The following ITPR2 variants were observed in gnomAD, a reference collection of about 807,000 sequenced individuals.
ITPR2 encodes inositol 1,4,5-trisphosphate receptor type 2, also known as inositol 1,4,5-trisphosphate-gated calcium channel ITPR2.
ITPR2 carries 207 observed loss-of-function variants against 317.1 expected under a neutral mutation model. The ratio of observed to expected loss-of-function variants is 0.65; its 90% CI spans 0.58 to 0.73. The LOEUF is 0.73. ITPR2 is among the 30% of genes least tolerant of loss of function. ITPR2 has a pLI of 0.00. For synonymous variants in ITPR2, 1,156 were observed against 1,149.1 expected, an observed-to-expected ratio of 1.01 and a Z score of -0.12; for missense variants, 2,613 against 3,284.0, an observed-to-expected ratio of 0.80 and a Z score of 4.99.
At chr12:26,588,956 T>TTGAC (rs1351060660) in intron 32 of ITPR2, among the ~76,000 whole-genome samples, 3 of 152,216 alleles carry the variant, frequency 2.0e-5, no homozygotes, top group Non-Finnish European at 4.4e-5. Flanking sequence ...GAGGCTAACA[T>TTGAC]TGACCATAGT....
intron 20 of ITPR2, among the ~76,000 whole-genome samples, chr12:26,654,744 G>A (rs1947335537): frequency 6.6e-6 from 1 of 152,134 alleles, no homozygotes; most frequent in African/African-American, 2.4e-5. Context: ...CAGGTACCAT[G>A]TCATGAGGAC....
At chr12:26,544,413 G>A (rs1413489666) in intron 37 of ITPR2, among the ~76,000 whole-genome samples, 1 of 152,074 alleles carries the variant, frequency 6.6e-6, no homozygotes, top group Non-Finnish European at 1.5e-5. Flanking sequence ...TATCCTTAAT[G>A]TAATTCCTTA....
intron 32 of ITPR2, among the ~76,000 whole-genome samples, chr12:26,589,853 T>TATATATATACAC (rs780511857): frequency 1.7e-5 from 1 of 57,304 alleles, no homozygotes; most frequent in African/African-American, 5.7e-5. Flanking sequence ...TATATATATA[T>TATATATATACAC]ACACACACAC....
At chr12:26,734,466 C>T (rs1160054933) in intron 2 of ITPR2, among the ~76,000 whole-genome samples, 1 of 152,176 alleles carries the variant, frequency 6.6e-6, no homozygotes, top group Non-Finnish European at 1.5e-5. Context: ...AGCACAGTAG[C>T]AAGCCAGAGA....
chr12:26,772,895 T>G (rs1042088648), intron 2 of ITPR2, among the ~76,000 whole-genome samples: 2 of 152,102 alleles, frequency 1.3e-5, no homozygotes, highest in Non-Finnish European at 2.9e-5. Context: ...CTAATAGTCT[T>G]CTTCCCCTTG....
chr12:26,806,681 C>A, intron 1 of ITPR2, among the ~76,000 whole-genome samples: 1 of 152,216 alleles, frequency 6.6e-6, no homozygotes. Context: ...GCTGGGACTA[C>A]AGGCACTTGC....
At chr12:26,670,448 G>A (rs1191005638) in intron 13 of ITPR2, among the ~76,000 whole-genome samples, 3 of 152,222 alleles carry the variant, frequency 2.0e-5, no homozygotes, top group Non-Finnish European at 4.4e-5. Flanking sequence ...AGGGTCTGGA[G>A]TGGACCTCTA....
At chr12:26,416,999 G>C (rs1315469902) in intron 50 of ITPR2, among the ~76,000 whole-genome samples, 1 of 152,138 alleles carries the variant, frequency 6.6e-6, no homozygotes, top group Non-Finnish European at 1.5e-5. Flanking sequence ...AAAAGCTGTT[G>C]ACATTGGGCA....
intron 55 of ITPR2, among the ~76,000 whole-genome samples, chr12:26,380,471 G>A (rs761928875): frequency 5.9e-5 from 9 of 152,078 alleles, no homozygotes; most frequent in Non-Finnish European, 1.2e-4. Flanking sequence ...CTCCCTGAAC[G>A]CTCAAATTTA....
At position 26,715,441 on chromosome 12, in the gene ITPR2, TC is replaced by T. The variant is rs757235938; in HGVS notation, c.712del (p.Asp238ThrfsTer14). On this transcript the variant is annotated frameshift_variant, in exon 8 of 57. Coordinates refer to ENST00000381340, the MANE Select transcript of ITPR2 (RefSeq NM_002223.4). LOFTEE classifies it high-confidence loss of function. ...SYREDVLKGGDVVRLFHAEQE... is the reference protein window; with the variant it reads ...SYREDVLKGGXVVRLFHAEQE... ...TTCCGCATGAAATAATCTAACAACG[TC>T]CCCCTAGCAAAAAGGTCAAGAGACA... is the stretch of plus-strand genomic sequence containing the variant. The T allele has an allele frequency of 6.2e-7, 1 of 1,611,662 alleles. No individual in the cohort carries two copies. The highest frequency in any genetic ancestry group is 8.5e-7 in the Non-Finnish European group (1 of 1,178,954).
At chr12:26,773,312 T>A (rs1312114957) in intron 2 of ITPR2, among the ~76,000 whole-genome samples, 1 of 152,240 alleles carries the variant, frequency 6.6e-6, no homozygotes, top group African/African-American at 2.4e-5. Context: ...TAGTCTTGGC[T>A]GTTAAAATAC....
At chr12:26,647,410 G>C (rs1361999031) in intron 21 of ITPR2, among the ~76,000 whole-genome samples, 1 of 152,228 alleles carries the variant, frequency 6.6e-6, no homozygotes, top group Non-Finnish European at 1.5e-5. Context: ...ATATACCCAT[G>C]CTGTTGTAAA....
At chr12:26,388,627 T>C (rs146702008) in intron 54 of ITPR2, among the ~76,000 whole-genome samples, 100 of 152,028 alleles carry the variant, frequency 6.6e-4, no homozygotes, top group Non-Finnish European at 7.9e-4. Flanking sequence ...CTAATTTTTG[T>C]ATCTTTTTTT....
At chr12:26,457,643 G>A (rs913958397) in intron 45 of ITPR2, among the ~76,000 whole-genome samples, 3 of 152,096 alleles carry the variant, frequency 2.0e-5, no homozygotes, top group Non-Finnish European at 2.9e-5. Context: ...GAAGGATGTG[G>A]GCAGATTCTG....
chr12:26,421,677 T>G (rs1408342008), intron 49 of ITPR2, among the ~76,000 whole-genome samples: 1 of 152,228 alleles, frequency 6.6e-6, no homozygotes, highest in Non-Finnish European at 1.5e-5. Context: ...AGGGTCCATG[T>G]GGGTGACAAA....
intron 32 of ITPR2, among the ~76,000 whole-genome samples, chr12:26,591,468 C>A (rs1324271060): frequency 6.6e-6 from 1 of 152,038 alleles, no homozygotes; most frequent in East Asian, 1.9e-4. Flanking sequence ...AAATGGAAAC[C>A]CTTGTACACA....
At chr12:26,560,304 T>TC (rs1049033990) in intron 35 of ITPR2, among the ~76,000 whole-genome samples, 8 of 152,086 alleles carry the variant, frequency 5.3e-5, no homozygotes, top group Non-Finnish European at 1.2e-4. Flanking sequence ...TCTTTTTTTT[T>TC]CTCCTATCAC....
intron 54 of ITPR2, among the ~76,000 whole-genome samples, chr12:26,393,122 C>T (rs555390195): frequency 2.0e-5 from 3 of 152,346 alleles, no homozygotes; most frequent in African/African-American, 7.2e-5. Context: ...TTGCCTGTCA[C>T]AGAATCTACA....
intron 55 of ITPR2, among the ~76,000 whole-genome samples, chr12:26,350,236 A>G (rs144144589): frequency 1.3e-5 from 2 of 152,190 alleles, no homozygotes; most frequent in Non-Finnish European, 2.9e-5. Flanking sequence ...TTCAACCAAC[A>G]TTTCAAAAAA....
Sources: gnomAD v4.1 joint callset for allele counts (sites outside exome capture counted in the v4.1 genomes callset) on GRCh38, gnomAD v4.1.1 for gene constraint, MANE v1.5 for transcripts, NCBI Gene and HGNC (gene_info 2026-07-23, HGNC 2026-07-21) for gene names.